EPRS1: variants seen among roughly 807,000 people sequenced by gnomAD.
The protein encoded by EPRS1 is glutamyl-prolyl-tRNA synthetase 1.
In EPRS1, 107 loss-of-function variants were observed where a neutral mutation model predicts 188.3. That is an observed-to-expected ratio of 0.57 (90% CI 0.49 to 0.67). The LOEUF (loss-of-function observed/expected upper bound fraction) is 0.67. Ranked by LOEUF, EPRS1 falls within the 30% of genes least tolerant of loss-of-function variation. EPRS1 has a pLI of 0.00. For synonymous variants in EPRS1, 596 were observed against 593.1 expected (o/e 1.00, Z -0.07); for missense variants, 1,577 against 1,802.2 (o/e 0.88, Z 2.26).
intron 13 of EPRS1, among the ~76,000 whole-genome samples, chr1:220,008,802 T>C (rs72745184): frequency 0.15 from 22,895 of 152,186 alleles, 2,220 homozygotes; most frequent in Admixed American, 0.27. Context: ...GTGATCCACC[T>C]ACCTCTGAGA....
intron 8 of EPRS1, among the ~76,000 whole-genome samples, chr1:220,023,476 T>G (rs1661914159): frequency 6.6e-6 from 1 of 152,192 alleles, no homozygotes; most frequent in Non-Finnish European, 1.5e-5. Context: ...ATCACCCAAT[T>G]TAGAAGTTCA....
chr1:219,987,706 G>A (rs907660658), intron 19 of EPRS1, among the ~76,000 whole-genome samples: 1 of 152,148 alleles, frequency 6.6e-6, no homozygotes, highest in African/African-American at 2.4e-5. Flanking sequence ...ACCAACTATT[G>A]AAATTATAAA....
chr1:219,987,561 T>C (rs1384404358), intron 19 of EPRS1, among the ~76,000 whole-genome samples, 157 bp from the exon 20 acceptor site: 1 of 152,054 alleles, frequency 6.6e-6, no homozygotes. Context: ...GGGAGGCATA[T>C]CTCACATATG....
intron 6 of EPRS1, among the ~76,000 whole-genome samples, chr1:220,025,921 A>G (rs1661963443): frequency 1.3e-5 from 2 of 152,070 alleles, no homozygotes; most frequent in Non-Finnish European, 2.9e-5. Flanking sequence ...CAGCCCCCCA[A>G]ATAGCTGGGA....
At chr1:220,042,378 G>C (rs1281615006) in intron 1 of EPRS1, among the ~76,000 whole-genome samples, 6 of 151,460 alleles carry the variant, frequency 4.0e-5, no homozygotes, top group Non-Finnish European at 8.8e-5. Flanking sequence ...AGCTACTTGG[G>C]AGGCTGAGGC....
chr1:220,032,629 C>A, intron 4 of EPRS1, 103 bp from the exon 5 acceptor site: 1 of 1,146,394 alleles, frequency 8.7e-7, no homozygotes, highest in Non-Finnish European at 1.3e-6. Flanking sequence ...TAAAGTTGTG[C>A]TTCTAAAGAA....
chr1:219,979,378 A>C, intron 27 of EPRS1, 40 bp downstream of exon 27: 1 of 1,449,056 alleles, frequency 6.9e-7, no homozygotes. Flanking sequence ...TATGGCTTGT[A>C]TTTTATAAAA....
At chr1:219,982,393 A>G (rs1333023121) in intron 23 of EPRS1, 1 of 156,574 alleles carries the variant, frequency 6.4e-6, no homozygotes, top group Non-Finnish European at 1.4e-5. Flanking sequence ...AACACCCTAC[A>G]TGAATGCAAA....
chr1:219,971,795 T>TATATATATATATATATATACACACAC lies in EPRS1; in HGVS notation c.4323+273_4323+274insGTGTGTGTATATATATATATATATAT, dbSNP rs140568859. Among the ~76,000 whole-genome samples the TATATATATATATATATATACACACAC allele has an allele frequency of 6.6e-4, 72 of 108,424 alleles. 2 individuals are homozygous for TATATATATATATATATATACACACAC. The highest frequency in any genetic ancestry group is 2.1e-3 in the African/African-American group (65 of 31,282). 71.1% of individuals were successfully genotyped at this position (108,424 alleles called of 152,430 possible). A position where few individuals can be genotyped will look rare whatever the true frequency, so the allele number is the denominator to read the frequency against. On this transcript the variant is annotated intron_variant, in intron 30 of 31. Transcript: ENST00000366923. ...GTAGAAAACAAAGACTATATATATATACATATACACACACACTATATTTAT... is the reference window on the plus strand; with the variant it reads ...GTAGAAAACAAAGACTATATATATATATATATATATATATATATACACACACACATATACACACACACTATATTTAT...
rs778973185 is a variant in EPRS1, at chr1:219,988,825, T to A, written c.2542-2A>T. On this transcript the variant is annotated splice_acceptor_variant, in intron 18 of 31. Coordinates refer to ENST00000366923, the MANE Select transcript of EPRS1 (RefSeq NM_004446.3). LOFTEE classifies it high-confidence loss of function. ...TTCTACAGCTTCATTTATTTTAGCCTAAAATAAAAGAGAGAAAGAGATATT... is the reference window on the plus strand; with the variant it reads ...TTCTACAGCTTCATTTATTTTAGCCAAAAATAAAAGAGAGAAAGAGATATT... 6.4e-7 allele frequency: 1 copy of A among 1,560,918 alleles called. No individual in the cohort carries two copies. The highest frequency in any genetic ancestry group is 8.7e-7 in the Non-Finnish European group (1 of 1,148,778).
chr1:219,981,385 T>C lies in EPRS1; in HGVS notation c.3446A>G (p.Asn1149Ser), dbSNP rs372289785. The change falls in exon 24 of 32, where the codon AAT becomes AGT. Residue 1149 changes from asparagine to serine, a missense_variant. By Grantham distance (46) the Asn-to-Ser change is conservative. Coordinates refer to ENST00000366923, the MANE Select transcript of EPRS1 (RefSeq NM_004446.3). ...GAGGGGGTGAATACCTACCACCACA[T>C]TGCACCACTGATTGAGCTTGATGGG... ...DLPIKLNQWC[N>S]VVRWEFKHPQ... 13 of 1,605,516 alleles carry C rather than the reference T, an allele frequency of 8.1e-6. No homozygotes were observed. Among genetic ancestry groups the C allele is most frequent in the East Asian group, 6.7e-5 (3 of 44,746 alleles).
At chr1:220,031,715 C>T (rs1344902910) in intron 5 of EPRS1, among the ~76,000 whole-genome samples, 3 of 152,170 alleles carry the variant, frequency 2.0e-5, no homozygotes, top group Non-Finnish European at 2.9e-5. Flanking sequence ...GTACTGTACA[C>T]TATGTCACAT....
At position 219,971,813 on chromosome 1, in the gene EPRS1, A is replaced by G. The variant is rs1306226153; in HGVS notation, c.4323+256T>C. On this transcript the variant is annotated intron_variant, in intron 30 of 31. Coordinates refer to ENST00000366923, the MANE Select transcript of EPRS1 (RefSeq NM_004446.3). ...ATATATATACATATACACACACACTATATTTATATATGACATATATAAATA... is the reference window on the plus strand; with the variant it reads ...ATATATATACATATACACACACACTGTATTTATATATGACATATATAAATA... Among the ~76,000 whole-genome samples, 3 of 67,004 alleles carry G rather than the reference A, an allele frequency of 4.5e-5. 1 individual carries two copies. Among genetic ancestry groups the G allele is most frequent in the Non-Finnish European group, 6.7e-5 (2 of 29,632 alleles). The allele number at this position is 67,004 out of a possible 152,430, so 44.0% of individuals were successfully genotyped here.
At chr1:220,007,468 A>G in intron 13 of EPRS1, 130 bp from the exon 14 acceptor site, 1 of 758,186 alleles carries the variant, frequency 1.3e-6, no homozygotes, top group Non-Finnish European at 2.1e-6. Flanking sequence ...TTAGCAGTTC[A>G]TTGCTGTATT....
chr1:220,020,102 G>C lies in EPRS1; in HGVS notation c.1235C>G (p.Ala412Gly). ...AATATATGGTTTTCTTATGCCTAAA[G>C]CTTCAATAATCCAGTAAAACTGCTC... is the stretch of plus-strand genomic sequence containing the variant. ...RDEQFYWIIE[A>G]LGIRKPYIWE... Residue 412 changes from alanine (A) to glycine (G), a missense_variant, in exon 10 of 32, where the codon GCT becomes GGT. Coordinates refer to ENST00000366923, the MANE Select transcript of EPRS1 (RefSeq NM_004446.3). 1 of 1,613,806 alleles carries C rather than the reference G, an allele frequency of 6.2e-7. No individual in the cohort carries two copies. The highest frequency in any genetic ancestry group is 8.5e-7 in the Non-Finnish European group (1 of 1,179,760).
chr1:220,039,582 G>A (rs979379096), intron 2 of EPRS1, among the ~76,000 whole-genome samples: 24 of 150,054 alleles, frequency 1.6e-4, no homozygotes, highest in Middle Eastern at 3.5e-3. Context: ...GCAGTGGCGC[G>A]TTCTCGGTTT....
intron 29 of EPRS1, among the ~76,000 whole-genome samples, chr1:219,972,853 T>G (rs1160419910): frequency 6.6e-6 from 1 of 152,192 alleles, no homozygotes; most frequent in African/African-American, 2.4e-5. Flanking sequence ...CCAGGCCCTC[T>G]CCAGTCCAAT....
At chr1:219,997,886 A>C (rs1661267290) in intron 17 of EPRS1, among the ~76,000 whole-genome samples, 1 of 152,196 alleles carries the variant, frequency 6.6e-6, no homozygotes, top group African/African-American at 2.4e-5. Flanking sequence ...ATAAGGCAAG[A>C]GCTCCATCAA....
At chr1:219,984,591 T>C (rs1660967476) in intron 20 of EPRS1, among the ~76,000 whole-genome samples, 1 of 152,190 alleles carries the variant, frequency 6.6e-6, no homozygotes, top group Admixed American at 6.5e-5. Flanking sequence ...TATTTTTTTA[T>C]TTTTATTTTT....
Sources: allele counts gnomAD v4.1 joint callset (sites outside exome capture counted in the v4.1 genomes callset), GRCh38; gene constraint gnomAD v4.1.1; transcripts MANE v1.5; gene names NCBI Gene and HGNC (gene_info 2026-07-23, HGNC 2026-07-21).